Variants in CHN1 observed in about 807,000 individuals in gnomAD.
CHN1 encodes chimerin 1.
CHN1 carries 37 observed loss-of-function variants against 59.5 expected under a neutral mutation model. The observed-to-expected ratio is 0.62, with a 90% confidence interval of 0.48 to 0.82. The LOEUF (loss-of-function observed/expected upper bound fraction) is 0.82, where lower values mean the gene tolerates loss of function less well. Among genes scored for constraint, CHN1 ranks in the 40% least tolerant of loss-of-function variants. The pLI is 0.00. For synonymous variants in CHN1, 206 were observed against 200.4 expected (o/e 1.03, Z -0.24); for missense variants, 469 against 571.0 (o/e 0.82, Z 1.82).
At chr2:174,807,444 ATCTGTGTG>A (rs1684922840) in intron 11 of CHN1, among the ~76,000 whole-genome samples, 1 of 90,284 alleles carries the variant, frequency 1.1e-5, no homozygotes, top group African/African-American at 4.1e-5. Flanking sequence ...TTCACGGGCT[ATCTGTGTG>A]TGTGTGTGTG....
chr2:174,950,079 A>G (rs1689967778), intron 2 of CHN1, among the ~76,000 whole-genome samples: 1 of 152,046 alleles, frequency 6.6e-6, no homozygotes, highest in Non-Finnish European at 1.5e-5. Context: ...TGGGCAACAC[A>G]GTGAGACCTC....
At chr2:174,801,961 T>C in intron 11 of CHN1, 149 bp from the exon 12 acceptor site, 1 of 596,994 alleles carries the variant, frequency 1.7e-6, no homozygotes, top group South Asian at 1.9e-5. Context: ...GAAATTATTT[T>C]TAAGGTTCAA....
At position 174,812,316 on chromosome 2, in the gene CHN1, C is replaced by T. The variant is rs1430593335; in HGVS notation, c.879G>A (p.Glu293=). 29 of 1,612,016 alleles carry T rather than the reference C, an allele frequency of 1.8e-5. No individual in the cohort carries two copies. Among genetic ancestry groups the T allele is most frequent in the Non-Finnish European group, 2.4e-5 (28 of 1,178,528 alleles). The stretch of plus-strand genomic sequence containing the variant: ...GCACTGCAAATGGCTCACCTCTAGA[C>T]TCAATCTCCCTGATGCACATGTCTA... ...MVVDMCIREI[E]SRGLNSEGLY... The change falls in exon 9 of 13, where the codon GAG becomes GAA. Residue 293 remains glutamate, a synonymous_variant. Transcript: ENST00000409900.
intron 5 of CHN1, among the ~76,000 whole-genome samples, chr2:174,890,418 A>C (rs914716758): frequency 5.3e-5 from 8 of 152,180 alleles, no homozygotes; most frequent in Non-Finnish European, 1.0e-4. Context: ...AGCCAGCTAC[A>C]GTAGCATGTA....
intron 1 of CHN1, among the ~76,000 whole-genome samples, chr2:174,966,050 T>G (rs1027282789): frequency 1.8e-4 from 28 of 152,166 alleles, no homozygotes; most frequent in Non-Finnish European, 4.0e-4. Flanking sequence ...CTTGCTAGGT[T>G]TCTAGGTATC....
chr2:174,942,964 T>C (rs1689710705), intron 3 of CHN1, among the ~76,000 whole-genome samples: 1 of 151,740 alleles, frequency 6.6e-6, no homozygotes, highest in Non-Finnish European at 1.5e-5. Flanking sequence ...GGTAGGAGTA[T>C]CACTTGAGCT....
intron 7 of CHN1, among the ~76,000 whole-genome samples, chr2:174,845,861 A>C (rs2600674): frequency 0.069 from 10,417 of 151,696 alleles, 1,196 homozygotes; most frequent in African/African-American, 0.24. Flanking sequence ...CAAATGTGGA[A>C]TGAAATTATC....
intron 3 of CHN1, among the ~76,000 whole-genome samples, chr2:174,936,299 G>C (rs1302003341): frequency 6.6e-6 from 1 of 152,152 alleles, no homozygotes; most frequent in Non-Finnish European, 1.5e-5. Flanking sequence ...GATAGCAGGG[G>C]GAAAAGTGCG....
At chr2:174,860,710 C>T (rs1218110554) in intron 6 of CHN1, among the ~76,000 whole-genome samples, 1 of 151,874 alleles carries the variant, frequency 6.6e-6, no homozygotes. Flanking sequence ...ATTTTTGCAC[C>T]GTATTTTTGT....
chr2:174,862,964 T>C (rs1687112577), intron 6 of CHN1, among the ~76,000 whole-genome samples: 1 of 152,226 alleles, frequency 6.6e-6, no homozygotes, highest in Non-Finnish European at 1.5e-5. Flanking sequence ...TGGCATTTTC[T>C]ATAAAATGAA....
intron 2 of CHN1, among the ~76,000 whole-genome samples, chr2:174,945,953 GTATA>G: frequency 6.6e-6 from 1 of 151,548 alleles, no homozygotes; most frequent in Non-Finnish European, 1.5e-5. Context: ...AAATGTGTGT[GTATA>G]TATATACTAT....
intron 11 of CHN1, 88 bp from the exon 12 acceptor site, chr2:174,801,900 C>T: frequency 2.1e-6 from 2 of 974,896 alleles, no homozygotes; most frequent in Non-Finnish European, 1.6e-6. Context: ...TGTGATAATG[C>T]TCTGAAACTG....
chr2:174,876,772 TATA>T (rs1442796345), intron 6 of CHN1, among the ~76,000 whole-genome samples: 2 of 152,188 alleles, frequency 1.3e-5, no homozygotes, highest in African/African-American at 4.8e-5. Flanking sequence ...ATGGCTGCTA[TATA>T]ATAACATTAC....
At chr2:174,945,909 C>CTGTG (rs10691439) in intron 2 of CHN1, among the ~76,000 whole-genome samples, 18 of 150,000 alleles carry the variant, frequency 1.2e-4, no homozygotes, top group Admixed American at 2.0e-4. Context: ...CATAATTAGC[C>CTGTG]TGTGTGTGTG....
At chr2:174,805,342 C>T (rs191962147) in intron 11 of CHN1, among the ~76,000 whole-genome samples, 22 of 152,316 alleles carry the variant, frequency 1.4e-4, no homozygotes, top group Admixed American at 1.0e-3. Flanking sequence ...AGAATATGTG[C>T]AAACTCTAAC....
chr2:174,965,233 C>T (rs1260024336), intron 1 of CHN1, among the ~76,000 whole-genome samples: 1 of 152,064 alleles, frequency 6.6e-6, no homozygotes, highest in East Asian at 1.9e-4. Context: ...ATCCTATTTA[C>T]ATCCGCTATA....
chr2:174,800,894 G>C (rs1017806898), intron 12 of CHN1, among the ~76,000 whole-genome samples: 4 of 152,182 alleles, frequency 2.6e-5, no homozygotes, highest in African/African-American at 7.2e-5. Context: ...GTTTATAAGC[G>C]AAGTTGTAAG....
intron 2 of CHN1, among the ~76,000 whole-genome samples, chr2:174,946,718 G>A (rs1294379583): frequency 6.6e-6 from 1 of 151,946 alleles, no homozygotes; most frequent in Non-Finnish European, 1.5e-5. Context: ...CATGATATGT[G>A]TAAATCTCCA....
At chr2:174,835,184 T>C (rs979759334) in intron 7 of CHN1, among the ~76,000 whole-genome samples, 4 of 152,214 alleles carry the variant, frequency 2.6e-5, no homozygotes, top group African/African-American at 7.2e-5. Flanking sequence ...TGAATGAATA[T>C]TGCTTTCAGA....
Sources: allele counts gnomAD v4.1 joint callset (sites outside exome capture counted in the v4.1 genomes callset), GRCh38; gene constraint gnomAD v4.1.1; transcripts MANE v1.5; gene names NCBI Gene and HGNC (gene_info 2026-07-23, HGNC 2026-07-21).